The following STYXL1 variants were observed in gnomAD, a reference collection of about 807,000 sequenced individuals.
STYXL1 encodes the protein serine/threonine/tyrosine interacting like 1.
Under a neutral mutation model 36.4 loss-of-function variants are expected in STYXL1, and 32 were observed. The observed-to-expected ratio is 0.88, with a 90% CI of 0.66 to 1.18. The LOEUF is 1.18. Ranked by LOEUF, STYXL1 falls within the 50% of genes most tolerant of loss-of-function variation. The pLI is 0.00. For synonymous variants in STYXL1, 133 were observed against 144.1 expected (o/e 0.92, Z 0.55); for missense variants, 354 against 394.1 (o/e 0.90, Z 0.86).
intron 3 of STYXL1, 114 bp downstream of exon 3, chr7:76,028,528 A>G: frequency 1.0e-6 from 1 of 958,126 alleles, no homozygotes; most frequent in East Asian, 2.6e-5. Flanking sequence ...CGGTGGGCAC[A>G]TAGAAAACAG....
chr7:76,033,824 C>T (rs905066192), intron 1 of STYXL1, among the ~76,000 whole-genome samples: 2 of 152,176 alleles, frequency 1.3e-5, no homozygotes, highest in African/African-American at 4.8e-5. Context: ...CACTTCTTCA[C>T]CTCCAATTAT....
chr7:76,004,373 G>C (rs747579334), intron 6 of STYXL1, among the ~76,000 whole-genome samples: 1 of 151,814 alleles, frequency 6.6e-6, no homozygotes, highest in African/African-American at 2.4e-5. Context: ...GGGATTACAG[G>C]TGTGAGCCAC....
intron 5 of STYXL1, among the ~76,000 whole-genome samples, chr7:76,009,325 C>G (rs1477446444): frequency 6.6e-6 from 1 of 151,124 alleles, no homozygotes; most frequent in East Asian, 2.0e-4. Flanking sequence ...GCCCCCGTCA[C>G]CCACGCCTAA....
At chr7:76,009,651 C>T (rs575381371) in intron 5 of STYXL1, among the ~76,000 whole-genome samples, 4 of 152,302 alleles carry the variant, frequency 2.6e-5, no homozygotes, top group South Asian at 2.1e-4. Context: ...CCTCGTGATC[C>T]GCCCGCCTTG....
intron 1 of STYXL1, among the ~76,000 whole-genome samples, chr7:76,038,447 C>T (rs1307769774): frequency 1.2e-4 from 14 of 114,370 alleles, no homozygotes; most frequent in Non-Finnish European, 2.3e-4. Flanking sequence ...TTTCCTGAGA[C>T]GGAATCTTGC....
Position 76,005,401 on chromosome 7 carries a change from G to A in STYXL1, c.457C>T (p.Leu153=). 1 of 1,610,944 alleles carries A rather than the reference G, an allele frequency of 6.2e-7. No homozygotes were observed. The highest frequency in any genetic ancestry group is 8.5e-7 in the Non-Finnish European group (1 of 1,177,814). The change falls in exon 6 of 9, where the codon CTG becomes TTG. Residue 153 remains leucine, a synonymous_variant. Transcript: ENST00000359697. ...ATGGGGTATGGCTGAAATGCATCCA[G>A]TTCCTGAAGTGTGGAGGGAGAAAGG... ...TQKIIWMPQE[L]DAFQPYPIEI...
Position 76,005,368 on chromosome 7 carries a change from C to T in STYXL1, c.490G>A (p.Val164Met), listed in dbSNP as rs147059565. 23 of 1,613,276 alleles carry T rather than the reference C, an allele frequency of 1.4e-5. No individual in the cohort carries two copies. The highest frequency in any genetic ancestry group is 1.3e-4 in the African/African-American group (10 of 74,844). ...DAFQPYPIEI[V>M]PGKVFVGNFS... ...TTGCCAACGAAGACCTTCCCTGGCA[C>T]GATTTCAATGGGGTATGGCTGAAAT... Residue 164 changes from valine to methionine, a missense_variant, in exon 6 of 9, where the codon GTG (valine) becomes ATG (methionine). Coordinates refer to ENST00000359697, the MANE Select transcript of STYXL1 (RefSeq NM_001317785.2).
chr7:76,028,824 T>A, intron 2 of STYXL1, 121 bp from the exon 3 acceptor site: 1 of 924,896 alleles, frequency 1.1e-6, no homozygotes, highest in Non-Finnish European at 1.7e-6. Flanking sequence ...TCATTGTCAG[T>A]TTAAAACTTG....
chr7:76,011,019 A>C (rs970363502), intron 5 of STYXL1, among the ~76,000 whole-genome samples: 1 of 152,190 alleles, frequency 6.6e-6, no homozygotes, highest in Non-Finnish European at 1.5e-5. Context: ...GTTTTGGACC[A>C]GCCTGGGGAA....
intron 5 of STYXL1, 112 bp from the exon 6 acceptor site, chr7:76,005,516 G>T: frequency 2.0e-6 from 2 of 1,022,882 alleles, no homozygotes; most frequent in Non-Finnish European, 2.9e-6. Context: ...TTCCAGGACA[G>T]TGAATGTGAC....
chr7:76,002,872 C>A (rs1791147547), intron 7 of STYXL1, among the ~76,000 whole-genome samples: 1 of 151,734 alleles, frequency 6.6e-6, no homozygotes, highest in South Asian at 2.1e-4. Flanking sequence ...TGCAGTGAGC[C>A]AAGATTGTGC....
At chr7:76,043,691 C>T (rs562763280) in intron 1 of STYXL1, among the ~76,000 whole-genome samples, 2 of 152,186 alleles carry the variant, frequency 1.3e-5, no homozygotes, top group East Asian at 3.9e-4. Flanking sequence ...CTTTTCTTGC[C>T]CCATCTCTAC....
At chr7:76,013,603 T>G in intron 5 of STYXL1, 139 bp downstream of exon 5, 2 of 1,286,318 alleles carry the variant, frequency 1.6e-6, no homozygotes, top group Non-Finnish European at 2.2e-6. Flanking sequence ...TTTTGTGTTT[T>G]TAGTATAGAC....
intron 3 of STYXL1, among the ~76,000 whole-genome samples, chr7:76,026,258 A>T (rs1005424171): frequency 1.4e-5 from 2 of 144,222 alleles, no homozygotes; most frequent in South Asian, 4.8e-4. Flanking sequence ...GGAAAAGTAC[A>T]GCGGGAATGG....
chr7:76,039,255 C>T (rs868960757), intron 1 of STYXL1, among the ~76,000 whole-genome samples: 7 of 148,800 alleles, frequency 4.7e-5, no homozygotes, highest in Middle Eastern at 3.2e-3. Context: ...TTTTTAGTTT[C>T]TGTAGAGTCA....
In STYXL1 at chr7:76,021,862, C is replaced by T; in HGVS notation, c.296G>A (p.Gly99Asp). The T allele has an allele frequency of 6.2e-7, 1 of 1,611,590 alleles. No homozygotes were observed. Among genetic ancestry groups the T allele is most frequent in the Non-Finnish European group, 8.5e-7 (1 of 1,178,334 alleles). Reference protein sequence around the residue: ...KDDDDDSDSDGDGKDLVPQAA... With the variant: ...KDDDDDSDSDDDGKDLVPQAA... ...TGCATAAAACCCACCTTTGCCATCA[C>T]CATCAGAGTCTGAATCATCATCATC... Residue 99 changes from glycine (G) to aspartate (D), a missense_variant, in exon 4 of 9, where the codon GGT (glycine) becomes GAT (aspartate). Gly to Asp is a moderately conservative substitution (Grantham distance 94, BLOSUM62 -1). Transcript: ENST00000359697.
intron 6 of STYXL1, among the ~76,000 whole-genome samples, chr7:76,004,741 C>G (rs1266377354): frequency 1.3e-5 from 2 of 151,016 alleles, no homozygotes; most frequent in Non-Finnish European, 2.9e-5. Flanking sequence ...GTGGCTCATG[C>G]CTGTAATCCC....
intron 1 of STYXL1, among the ~76,000 whole-genome samples, chr7:76,039,453 G>T (rs1240745275): frequency 1.3e-5 from 2 of 152,104 alleles, no homozygotes; most frequent in East Asian, 1.9e-4. Context: ...CCTGAACCTT[G>T]ACAAAGCTGG....
chr7:76,032,692 T>A (rs1795503171), intron 1 of STYXL1, among the ~76,000 whole-genome samples: 1 of 151,952 alleles, frequency 6.6e-6, no homozygotes, highest in Admixed American at 6.6e-5. Flanking sequence ...ACAGAGTAAC[T>A]TTGTCTCAAA....
Sources: gnomAD v4.1 joint callset for allele counts (sites outside exome capture counted in the v4.1 genomes callset) on GRCh38, gnomAD v4.1.1 for gene constraint, MANE v1.5 for transcripts, NCBI Gene and HGNC (gene_info 2026-07-23, HGNC 2026-07-21) for gene names.